The following ATP2C2 variants were observed in gnomAD, a reference collection of about 807,000 sequenced individuals.
ATP2C2 encodes calcium-transporting ATPase type 2C member 2.
In ATP2C2, 171 loss-of-function variants were observed where a neutral mutation model predicts 110.8. That is an observed-to-expected ratio of 1.54 (90% CI 1.36 to 1.75). ATP2C2 has a LOEUF of 1.75. Ranked by LOEUF, ATP2C2 falls within the 40% of genes most tolerant of loss-of-function variation. The pLI is 0.00. For missense variants in ATP2C2, 1,963 were observed against 1,235.0 expected, an observed-to-expected ratio of 1.59 and a Z score of -8.84; for synonymous variants, 804 against 508.4, an observed-to-expected ratio of 1.58 and a Z score of -7.82.
intron 24 of ATP2C2, 33 bp from the exon 25 acceptor site, chr16:84,461,681 G>A (rs375230852): frequency 1.7e-4 from 264 of 1,590,162 alleles, no homozygotes; most frequent in African/African-American, 6.2e-4. Context: ...GTCTCTTCCC[G>A]CCTAACCTCT....
chr16:84,453,557 G>A (rs968507334), intron 20 of ATP2C2, among the ~76,000 whole-genome samples, 186 bp downstream of exon 20: 4 of 152,164 alleles, frequency 2.6e-5, no homozygotes, highest in Middle Eastern at 3.2e-3. Flanking sequence ...AGGTTGAGCA[G>A]GGGCGCGTGG....
At chr16:84,425,938 C>G in intron 11 of ATP2C2, 137 bp downstream of exon 11, 2 of 1,040,840 alleles carry the variant, frequency 1.9e-6, no homozygotes. Context: ...CAAACTCCAG[C>G]CTCCCAATAG....
At position 84,454,700 on chromosome 16, in the gene ATP2C2, T is replaced by C. The variant is rs951165943; in HGVS notation, c.1981-118T>C. 2.0e-5 allele frequency: 22 copies of C among 1,082,006 alleles called. No individual in the cohort carries two copies. The African/African-American group carries it at 3.4e-4, about 17-fold the overall frequency. The allele number at this position is 1,082,006 out of a possible 1,614,324, so 67.0% of individuals were successfully genotyped here. On this transcript the variant is annotated intron_variant, in intron 20 of 26. Transcript: ENST00000262429. Reference sequence around the variant, plus strand: ...ACAGCTAATGTGGGTGAAGCTGGGATTCGAATTCCGGGTGCCCTCCAGACA... The same window carrying C: ...ACAGCTAATGTGGGTGAAGCTGGGACTCGAATTCCGGGTGCCCTCCAGACA...
chr16:84,420,566 G>A (rs1425498086), intron 7 of ATP2C2, among the ~76,000 whole-genome samples: 1 of 151,162 alleles, frequency 6.6e-6, no homozygotes, highest in Admixed American at 6.6e-5. Context: ...CCTCACCCGG[G>A]ATCCCCTCCT....
At chr16:84,462,226 C>G in intron 26 of ATP2C2, 97 bp downstream of exon 26, 1 of 1,490,210 alleles carries the variant, frequency 6.7e-7, no homozygotes, top group Non-Finnish European at 9.0e-7. Context: ...GGGGTCAGTG[C>G]GGGAAAGCAG....
intron 20 of ATP2C2, 55 bp from the exon 21 acceptor site, chr16:84,454,763 G>A: frequency 6.6e-7 from 1 of 1,511,736 alleles, no homozygotes; most frequent in South Asian, 1.3e-5. Context: ...TGCATGGCCG[G>A]GCACTGGGAG....
intron 1 of ATP2C2, among the ~76,000 whole-genome samples, chr16:84,376,427 G>T (rs1445315208): frequency 6.6e-6 from 1 of 152,170 alleles, no homozygotes; most frequent in Non-Finnish European, 1.5e-5. Context: ...GATTACTACT[G>T]GGTGAGTGTA....
At chr16:84,387,548 C>G (rs1904387841) in intron 1 of ATP2C2, among the ~76,000 whole-genome samples, 1 of 152,084 alleles carries the variant, frequency 6.6e-6, no homozygotes, top group African/African-American at 2.4e-5. Context: ...ACACAAAATG[C>G]CAGCCATGTG....
intron 11 of ATP2C2, among the ~76,000 whole-genome samples, chr16:84,438,830 A>T (rs1461737818): frequency 6.6e-6 from 1 of 152,242 alleles, no homozygotes; most frequent in Non-Finnish European, 1.5e-5. Context: ...AATTCCTTTT[A>T]TGGAACCCAA....
rs200768940 is a variant in ATP2C2, at chr16:84,410,734, C to T, written c.484C>T (p.Leu162=). Residue 162 remains leucine (L), a synonymous_variant, in exon 6 of 27, where the codon CTG becomes TTG. Coordinates refer to ENST00000262429, the MANE Select transcript of ATP2C2 (RefSeq NM_014861.4). The part of the protein sequence containing the change: ...EYRSEKSLEE[L]TKLVPPECNC... The stretch of plus-strand genomic sequence containing the variant: ...CAGGTCGGAGAAATCTCTGGAAGAG[C>T]TGACCAAGCTGGTTCCTCCAGAATG... 3 of 1,614,198 alleles carry T rather than the reference C, an allele frequency of 1.9e-6. No homozygotes were observed. In the African/African-American group the frequency reaches 4.0e-5, roughly 22 times the overall value.
chr16:84,437,099 A>G (rs928122546), intron 11 of ATP2C2, among the ~76,000 whole-genome samples: 5 of 152,206 alleles, frequency 3.3e-5, no homozygotes, highest in Admixed American at 3.3e-4. Flanking sequence ...GATATAATTC[A>G]CATATATAAT....
intron 17 of ATP2C2, 96 bp from the exon 18 acceptor site, chr16:84,451,825 C>G (rs1597865897): frequency 2.3e-6 from 3 of 1,299,144 alleles, no homozygotes; most frequent in East Asian, 2.3e-5. Flanking sequence ...GCGATAAGAA[C>G]AAAACTCTCT....
intron 15 of ATP2C2, among the ~76,000 whole-genome samples, chr16:84,444,854 G>A (rs1909599234): frequency 6.6e-6 from 1 of 152,350 alleles, no homozygotes; most frequent in South Asian, 2.1e-4. Flanking sequence ...CAGGCATGGG[G>A]CAAGCACTTT....
intron 1 of ATP2C2, among the ~76,000 whole-genome samples, chr16:84,378,273 G>A (rs1357480242): frequency 6.6e-6 from 1 of 152,130 alleles, no homozygotes; most frequent in Non-Finnish European, 1.5e-5. Context: ...GTGTTGGTCT[G>A]AGTGGCCACT....
chr16:84,406,514 G>A (rs936983229), intron 3 of ATP2C2: 6 of 880,618 alleles, frequency 6.8e-6, no homozygotes, highest in Admixed American at 1.2e-4. Context: ...GGTCGATTCC[G>A]GAACCAATCA....
intron 1 of ATP2C2, among the ~76,000 whole-genome samples, chr16:84,381,021 G>A (rs1910550638): frequency 6.6e-6 from 1 of 152,184 alleles, no homozygotes; most frequent in Admixed American, 6.5e-5. Context: ...GCGTCCGTGT[G>A]AAGAGACCAC....
At chr16:84,430,454 A>C (rs1401484496) in intron 11 of ATP2C2, among the ~76,000 whole-genome samples, 1 of 152,162 alleles carries the variant, frequency 6.6e-6, no homozygotes, top group Non-Finnish European at 1.5e-5. Context: ...CAGGTTGGCC[A>C]ACATGGTGAA....
intron 24 of ATP2C2, 61 bp downstream of exon 24, chr16:84,460,862 T>C: frequency 1.3e-6 from 2 of 1,534,164 alleles, no homozygotes; most frequent in South Asian, 1.3e-5. Context: ...CGCTGGGGAC[T>C]GCAGTCCCTG....
chr16:84,463,249 T>G, intron 26 of ATP2C2, among the ~76,000 whole-genome samples: 2 of 151,372 alleles, frequency 1.3e-5, no homozygotes, highest in South Asian at 4.2e-4. Context: ...CGGGGTGCAC[T>G]GGACAGGGAG....
Sources: gnomAD v4.1 joint callset for allele counts (sites outside exome capture counted in the v4.1 genomes callset) on GRCh38, gnomAD v4.1.1 for gene constraint, MANE v1.5 for transcripts, NCBI Gene and HGNC (gene_info 2026-07-23, HGNC 2026-07-21) for gene names.